The following KCNMA1 variants were observed in gnomAD, a reference collection of about 807,000 sequenced individuals.
KCNMA1 encodes the protein potassium calcium-activated channel subfamily M alpha 1, also known as Calcium-activated potassium channel subunit alpha-1.
KCNMA1 carries 29 observed loss-of-function variants against 140.0 expected under a neutral mutation model. That is an observed-to-expected ratio of 0.21 (90% CI 0.15 to 0.28). The LOEUF (loss-of-function observed/expected upper bound fraction) is 0.28. Ranked by LOEUF, KCNMA1 falls within the 10% of genes least tolerant of loss-of-function variation. The probability of loss-of-function intolerance (pLI) is 1.00; values close to 1 mark genes in which losing one functional copy is unlikely to be tolerated. For missense variants in KCNMA1, 880 were observed against 1,602.2 expected (o/e 0.55, Z 7.70); for synonymous variants, 612 against 611.9 (o/e 1.00, Z 0.00).
chr10:77,226,554 T>C (rs1376940029), intron 3 of KCNMA1, among the ~76,000 whole-genome samples: 1 of 152,006 alleles, frequency 6.6e-6, no homozygotes, highest in Non-Finnish European at 1.5e-5. Context: ...CAGAGTGATT[T>C]GGTGAAGTTC....
intron 3 of KCNMA1, among the ~76,000 whole-genome samples, chr10:77,202,126 G>A (rs1040818621): frequency 1.3e-5 from 2 of 152,148 alleles, no homozygotes; most frequent in Non-Finnish European, 2.9e-5. Flanking sequence ...GCCTCTAAAT[G>A]TCTACAGACT....
intron 1 of KCNMA1, among the ~76,000 whole-genome samples, chr10:77,524,610 C>T (rs115226266): frequency 1.0e-3 from 159 of 152,278 alleles, no homozygotes; most frequent in African/African-American, 3.6e-3. Flanking sequence ...TCCAAATTCT[C>T]GACAGCCCTA....
At chr10:77,387,915 G>C (rs1196984711) in intron 2 of KCNMA1, among the ~76,000 whole-genome samples, 1 of 152,196 alleles carries the variant, frequency 6.6e-6, no homozygotes, top group Non-Finnish European at 1.5e-5. Context: ...ACTGCACCCA[G>C]CCCTCGGAAT....
chr10:77,405,593 A>G (rs1285382424), intron 1 of KCNMA1, among the ~76,000 whole-genome samples: 1 of 75,846 alleles, frequency 1.3e-5, no homozygotes, highest in Non-Finnish European at 2.7e-5. Flanking sequence ...TTATACTAAA[A>G]CCTTATTATT....
At chr10:76,908,655 A>G (rs2048796625) in intron 25 of KCNMA1, among the ~76,000 whole-genome samples, 1 of 152,232 alleles carries the variant, frequency 6.6e-6, no homozygotes, top group Non-Finnish European at 1.5e-5. Flanking sequence ...TCAGGAGAAT[A>G]ACTTTCAGCA....
At chr10:77,053,856 C>G (rs756182395) in intron 14 of KCNMA1, among the ~76,000 whole-genome samples, 6 of 152,136 alleles carry the variant, frequency 3.9e-5, no homozygotes, top group Admixed American at 2.0e-4. Context: ...TTCAAAAATA[C>G]CATAAGCTCT....
At chr10:77,261,896 T>C (rs2154267142) in intron 2 of KCNMA1, among the ~76,000 whole-genome samples, 1 of 152,316 alleles carries the variant, frequency 6.6e-6, no homozygotes, top group African/African-American at 2.4e-5. Flanking sequence ...TAAGAAATTG[T>C]CTGACTTAAG....
At chr10:77,580,453 G>A (rs2075547509) in intron 1 of KCNMA1, among the ~76,000 whole-genome samples, 1 of 151,842 alleles carries the variant, frequency 6.6e-6, no homozygotes, top group Admixed American at 6.6e-5. Flanking sequence ...GAAATCCTGT[G>A]ATATTGGTAA....
At chr10:77,520,244 AGGTCTG>A (rs2052770124) in intron 1 of KCNMA1, among the ~76,000 whole-genome samples, 5 of 139,138 alleles carry the variant, frequency 3.6e-5, no homozygotes, top group Non-Finnish European at 6.4e-5. Context: ...ATGCAGTGTG[AGGTCTG>A]GGGTGTGCAG....
chr10:77,070,538 C>T (rs1361576803), intron 14 of KCNMA1, among the ~76,000 whole-genome samples: 1 of 152,156 alleles, frequency 6.6e-6, no homozygotes, highest in Non-Finnish European at 1.5e-5. Context: ...CAAAGCCTCA[C>T]CCCTTCTTTG....
chr10:77,273,851 A>G (rs935290286), intron 2 of KCNMA1, among the ~76,000 whole-genome samples: 21 of 152,308 alleles, frequency 1.4e-4, no homozygotes, highest in Non-Finnish European at 2.9e-4. Context: ...TATCACAGAG[A>G]ACACATGACA....
At chr10:77,356,126 C>G (rs1326263224) in intron 2 of KCNMA1, among the ~76,000 whole-genome samples, 1 of 152,138 alleles carries the variant, frequency 6.6e-6, no homozygotes, top group Non-Finnish European at 1.5e-5. Context: ...AGCTCAAGGG[C>G]AGAGAATGTC....
At chr10:77,418,384 GT>G (rs886410922) in intron 1 of KCNMA1, among the ~76,000 whole-genome samples, 4 of 152,232 alleles carry the variant, frequency 2.6e-5, no homozygotes, top group Admixed American at 1.3e-4. Context: ...CTCAAGTAAG[GT>G]TTTTTTCCAA....
At position 77,636,136 on chromosome 10, in the gene KCNMA1, G is replaced by A. The variant is rs1007278588; in HGVS notation, c.378+1129C>T. 83 of 1,198,834 alleles carry A rather than the reference G, an allele frequency of 6.9e-5. 1 individual carries two copies. The highest frequency in any genetic ancestry group is 9.1e-5 in the Non-Finnish European group (82 of 901,640). The allele number at this position is 1,198,834 out of a possible 1,614,324, so 74.3% of individuals were successfully genotyped here. A position where few individuals can be genotyped will look rare whatever the true frequency, so the allele number is the denominator to read the frequency against. ...CCTGGATTTCCCTTCCCTCCAAAAC[G>A]GTTCGCGCGTGAAGTCCCCTAGGAT... On this transcript the variant is annotated intron_variant, in intron 1 of 27. Coordinates refer to ENST00000286628, the MANE Select transcript of KCNMA1 (RefSeq NM_001161352.2).
At chr10:77,045,804 C>T (rs1455388734) in intron 14 of KCNMA1, among the ~76,000 whole-genome samples, 1 of 152,182 alleles carries the variant, frequency 6.6e-6, no homozygotes, top group Non-Finnish European at 1.5e-5. Context: ...TATGTTACAG[C>T]CATCATGATT....
intron 25 of KCNMA1, among the ~76,000 whole-genome samples, chr10:76,899,968 G>A (rs1017318018): frequency 6.6e-6 from 1 of 151,996 alleles, no homozygotes; most frequent in Non-Finnish European, 1.5e-5. Flanking sequence ...ATTGGCTAGG[G>A]AAATTAACTT....
At chr10:77,611,520 T>C (rs2086870608) in intron 1 of KCNMA1, among the ~76,000 whole-genome samples, 1 of 152,228 alleles carries the variant, frequency 6.6e-6, no homozygotes, top group Admixed American at 6.5e-5. Flanking sequence ...TTAAGCCCAT[T>C]GAAGTGAGCA....
At chr10:77,277,919 G>T (rs1289215336) in intron 2 of KCNMA1, among the ~76,000 whole-genome samples, 1 of 152,168 alleles carries the variant, frequency 6.6e-6, no homozygotes, top group Non-Finnish European at 1.5e-5. Flanking sequence ...AAAAAAGAAT[G>T]CTAGAGATGT....
intron 1 of KCNMA1, among the ~76,000 whole-genome samples, chr10:77,480,955 C>CAAAA (rs11288201): frequency 3.3e-5 from 4 of 122,922 alleles, no homozygotes; most frequent in Non-Finnish European, 7.2e-5. Context: ...ACTAAAAATA[C>CAAAA]AAAAAAAAAA....
Sources: gnomAD v4.1 joint callset for allele counts (sites outside exome capture counted in the v4.1 genomes callset) on GRCh38, gnomAD v4.1.1 for gene constraint, MANE v1.5 for transcripts, NCBI Gene and HGNC (gene_info 2026-07-23, HGNC 2026-07-21) for gene names.